STAT3: variants seen among roughly 807,000 people sequenced by gnomAD.
The protein encoded by STAT3 is signal transducer and activator of transcription 3, also known as DNA-binding protein APRF.
In STAT3, 7 loss-of-function variants were observed where a neutral mutation model predicts 114.3. The observed-to-expected ratio is 0.06, with a 90% CI of 0.03 to 0.11. The LOEUF (loss-of-function observed/expected upper bound fraction) is 0.11. Among genes scored for constraint, STAT3 ranks in the 10% least tolerant of loss-of-function variants. The pLI, the probability that STAT3 is intolerant of heterozygous loss-of-function variation, is 1.00. For synonymous variants in STAT3, 331 were observed against 354.5 expected (o/e 0.93, Z 0.74); for missense variants, 364 against 960.9 (o/e 0.38, Z 8.21).
chr17:42,379,992 C>G (rs17883029), intron 1 of STAT3, among the ~76,000 whole-genome samples: 9,324 of 152,178 alleles, frequency 0.061, 346 homozygotes, highest in Non-Finnish European at 0.074. Flanking sequence ...TTTGTAATAT[C>G]TAACAGATAT....
At chr17:42,374,590 A>G (rs1396335604) in intron 1 of STAT3, among the ~76,000 whole-genome samples, 2 of 144,870 alleles carry the variant, frequency 1.4e-5, no homozygotes, top group East Asian at 2.1e-4. Context: ...AGCCTGGGCA[A>G]TAAGAGTGAA....
chr17:42,363,908 AG>A (rs2083644451), intron 1 of STAT3, among the ~76,000 whole-genome samples: 1 of 152,088 alleles, frequency 6.6e-6, no homozygotes, highest in African/African-American at 2.4e-5. Flanking sequence ...TCTGTCAGAC[AG>A]GCTCTCCCTA....
Position 42,367,315 on chromosome 17 carries a change from G to A in STAT3, c.-23-18776C>T, listed in dbSNP as rs7221074. ...GATTGCGCCACTGCACTTCAGCCTC[G>A]GCAACAGAGCAAGATTTTGTCTCCA... On this transcript the variant is annotated intron_variant, in intron 1 of 23. Coordinates refer to ENST00000264657, the MANE Select transcript of STAT3 (RefSeq NM_139276.3). Among the ~76,000 whole-genome samples the A allele has an allele frequency of 4.1e-3, 622 of 151,492 alleles. 5 individuals carry two copies. Among genetic ancestry groups the A allele is most frequent in the African/African-American group, 0.013 (551 of 41,284 alleles).
chr17:42,377,850 T>C (rs1290300801), intron 1 of STAT3, among the ~76,000 whole-genome samples: 1 of 152,176 alleles, frequency 6.6e-6, no homozygotes, highest in Non-Finnish European at 1.5e-5. Context: ...TCCAATCTCA[T>C]TCCCATTACT....
At chr17:42,319,536 A>G (rs1393950212) in intron 21 of STAT3, among the ~76,000 whole-genome samples, 1 of 110,314 alleles carries the variant, frequency 9.1e-6, no homozygotes, top group Non-Finnish European at 1.7e-5. Context: ...AGCGAGACTC[A>G]GGCTCAAAAA....
intron 1 of STAT3, chr17:42,388,048 T>G: frequency 2.1e-6 from 1 of 479,168 alleles, no homozygotes; most frequent in Non-Finnish European, 3.3e-6. Flanking sequence ...TCGAGCGCGT[T>G]CTGTTTCTCC....
chr17:42,352,816 A>G (rs2083036363), intron 1 of STAT3, among the ~76,000 whole-genome samples: 1 of 152,228 alleles, frequency 6.6e-6, no homozygotes, highest in Non-Finnish European at 1.5e-5. Context: ...ACAGTCCAGT[A>G]TGGAGTCACT....
intron 21 of STAT3, chr17:42,317,480 C>T: frequency 3.5e-6 from 2 of 573,256 alleles, no homozygotes; most frequent in Non-Finnish European, 6.2e-6. Flanking sequence ...TCAGCATAAC[C>T]TTTTCCCACC....
intron 21 of STAT3, among the ~76,000 whole-genome samples, chr17:42,319,700 G>T (rs1291427930): frequency 6.6e-6 from 1 of 151,926 alleles, no homozygotes; most frequent in Non-Finnish European, 1.5e-5. Context: ...AGAGAAGGAA[G>T]AGAGAAGAGT....
At chr17:42,346,746 T>C (rs765685254) in intron 2 of STAT3, 33 bp from the exon 3 acceptor site, 19 of 1,613,904 alleles carry the variant, frequency 1.2e-5, no homozygotes, top group Non-Finnish European at 1.5e-5. Context: ...AGAATGGCTC[T>C]GAAGCCGACG....
At position 42,314,476 on chromosome 17, in the gene STAT3, G is replaced by T; in HGVS notation, c.*1269C>A. 1 of 227,752 alleles carries T rather than the reference G, an allele frequency of 4.4e-6. No individual in the cohort carries two copies. Among genetic ancestry groups the T allele is most frequent in the Non-Finnish European group, 8.7e-6 (1 of 114,708 alleles). 14.1% of individuals were successfully genotyped at this position (227,752 alleles called of 1,614,324 possible). Reference sequence around the variant, plus strand: ...CCTCTAGCAGGATCAGGGGGACTGGGGTCGGGAGGGTGGGGCAGGAAGGAA... The same window carrying T: ...CCTCTAGCAGGATCAGGGGGACTGGTGTCGGGAGGGTGGGGCAGGAAGGAA... On this transcript the variant is annotated 3_prime_UTR_variant, in exon 24 of 24. Coordinates refer to ENST00000264657, the MANE Select transcript of STAT3 (RefSeq NM_139276.3).
At chr17:42,327,785 T>C (rs1372210881) in intron 14 of STAT3, among the ~76,000 whole-genome samples, 1 of 152,188 alleles carries the variant, frequency 6.6e-6, no homozygotes. Flanking sequence ...CAGCGGCTCA[T>C]GCCTGTAATC....
intron 23 of STAT3, chr17:42,316,386 C>T: frequency 2.7e-6 from 1 of 368,790 alleles, no homozygotes; most frequent in South Asian, 2.1e-5. Flanking sequence ...CAGGTATGCG[C>T]CACCATGCCC....
rs551606368 is a variant in STAT3 at position 42,341,935 on chromosome 17, C to T, written c.373-2526G>A. ...ACAGTTTGCAGACCCCTAATCCGTA[C>T]GATTGAAAACATCCTTGGGATAACT... On this transcript the variant is annotated intron_variant, in intron 4 of 23. Transcript: ENST00000264657. Among the ~76,000 whole-genome samples the T allele has an allele frequency of 9.3e-4, 142 of 152,100 alleles. 2 individuals carry two copies. The highest frequency in any genetic ancestry group is 3.0e-3 in the African/African-American group (123 of 41,514).
At chr17:42,368,900 A>C (rs1474082524) in intron 1 of STAT3, among the ~76,000 whole-genome samples, 2 of 149,896 alleles carry the variant, frequency 1.3e-5, no homozygotes, top group Admixed American at 6.7e-5. Flanking sequence ...CCCTCCTCCC[A>C]CTCTCCACCC....
At chr17:42,342,000 C>T (rs1189219957) in intron 4 of STAT3, among the ~76,000 whole-genome samples, 2 of 152,018 alleles carry the variant, frequency 1.3e-5, no homozygotes, top group African/African-American at 4.8e-5. Flanking sequence ...GAGCCTCTAT[C>T]CAAATTGACT....
chr17:42,329,893 T>A, intron 11 of STAT3, 117 bp from the exon 12 acceptor site: 1 of 1,172,368 alleles, frequency 8.5e-7, no homozygotes, highest in Non-Finnish European at 1.2e-6. Flanking sequence ...GGCATTTCTT[T>A]AAACTATTCA....
intron 1 of STAT3, among the ~76,000 whole-genome samples, chr17:42,382,183 C>T (rs1328308362): frequency 6.6e-6 from 1 of 152,134 alleles, no homozygotes; most frequent in Non-Finnish European, 1.5e-5. Context: ...GATAAAGCCC[C>T]TCAATAATGA....
At chr17:42,376,658 AAC>A (rs2084485018) in intron 1 of STAT3, among the ~76,000 whole-genome samples, 1 of 151,970 alleles carries the variant, frequency 6.6e-6, no homozygotes, top group African/African-American at 2.4e-5. Flanking sequence ...CATCCTGGCT[AAC>A]ATGGTGAAAC....
Sources: allele counts gnomAD v4.1 joint callset (sites outside exome capture counted in the v4.1 genomes callset), GRCh38; gene constraint gnomAD v4.1.1; transcripts MANE v1.5; gene names NCBI Gene and HGNC (gene_info 2026-07-23, HGNC 2026-07-21).